The following SEC63 variants were observed in gnomAD, a reference collection of about 807,000 sequenced individuals.
The protein encoded by SEC63 is SEC63 protein translocation regulator.
Under a neutral mutation model 116.2 loss-of-function variants are expected in SEC63, and 56 were observed. The ratio of observed to expected loss-of-function variants is 0.48; its 90% CI spans 0.39 to 0.60. The LOEUF (loss-of-function observed/expected upper bound fraction) is 0.60, where lower values mean the gene tolerates loss of function less well. Among genes scored for constraint, SEC63 ranks in the 20% least tolerant of loss-of-function variants. The pLI is 0.00. For missense variants in SEC63, 668 were observed against 900.0 expected (o/e 0.74, Z 3.30); for synonymous variants, 273 against 294.6 (o/e 0.93, Z 0.75).
chr6:107,884,673 A>C (rs1489608489), intron 16 of SEC63, among the ~76,000 whole-genome samples: 1 of 152,198 alleles, frequency 6.6e-6, no homozygotes, highest in Non-Finnish European at 1.5e-5. Context: ...AAAAAAGGGA[A>C]TACTTCCTAG....
At chr6:107,904,261 T>G (rs1316509681) in intron 11 of SEC63, among the ~76,000 whole-genome samples, 9 of 149,870 alleles carry the variant, frequency 6.0e-5, no homozygotes, top group Non-Finnish European at 1.2e-4. Flanking sequence ...AATACAAAAA[T>G]TAGCCAGGTG....
intron 18 of SEC63, 191 bp from the exon 19 acceptor site, chr6:107,876,853 T>C (rs1786287028): frequency 1.8e-6 from 1 of 554,366 alleles, no homozygotes; most frequent in Non-Finnish European, 3.2e-6. Flanking sequence ...ATCCATTGCC[T>C]AAAAGCATTT....
At chr6:107,873,407 T>C (rs1786180024) in intron 19 of SEC63, among the ~76,000 whole-genome samples, 1 of 152,180 alleles carries the variant, frequency 6.6e-6, no homozygotes, top group African/African-American at 2.4e-5. Context: ...TCTTAAAAAG[T>C]TTCTATTCCA....
chr6:107,929,347 G>A (rs1583763879), intron 2 of SEC63, 68 bp downstream of exon 2: 7 of 808,134 alleles, frequency 8.7e-6, no homozygotes, highest in East Asian at 4.9e-5. Context: ...ATCATTACAC[G>A]TATATGTTGT....
chr6:107,946,118 G>A (rs768007720), intron 1 of SEC63, among the ~76,000 whole-genome samples: 7 of 151,762 alleles, frequency 4.6e-5, no homozygotes, highest in Non-Finnish European at 8.8e-5. Context: ...TGTATTTTTA[G>A]TAAAGACGGG....
chr6:107,874,069 T>C (rs1252327535), intron 19 of SEC63, among the ~76,000 whole-genome samples: 2 of 152,086 alleles, frequency 1.3e-5, no homozygotes, highest in African/African-American at 4.8e-5. Flanking sequence ...AAAATACCTT[T>C]ACAATAGAGA....
At chr6:107,914,324 C>A (rs2114463486) in intron 4 of SEC63, among the ~76,000 whole-genome samples, 1 of 152,208 alleles carries the variant, frequency 6.6e-6, no homozygotes, top group South Asian at 2.1e-4. Context: ...GGTAAAAGAT[C>A]TTCCATATGG....
At chr6:107,932,520 A>C (rs1329125047) in intron 1 of SEC63, among the ~76,000 whole-genome samples, 1 of 152,174 alleles carries the variant, frequency 6.6e-6, no homozygotes, top group African/African-American at 2.4e-5. Context: ...GGTAGCAGAA[A>C]AGGAGACTGA....
intron 14 of SEC63, among the ~76,000 whole-genome samples, chr6:107,897,430 AG>A (rs1786881705): frequency 1.3e-5 from 2 of 152,238 alleles, no homozygotes; most frequent in African/African-American, 4.8e-5. Context: ...TATGTTTTAT[AG>A]AGAATTAAAC....
intron 16 of SEC63, among the ~76,000 whole-genome samples, chr6:107,884,081 C>T (rs537092400): frequency 7.0e-6 from 1 of 141,938 alleles, no homozygotes; most frequent in Non-Finnish European, 1.5e-5. Context: ...GAAACCCCGT[C>T]CCTACTAAAA....
chr6:107,930,667 G>A (rs1200210141), intron 1 of SEC63, among the ~76,000 whole-genome samples: 1 of 151,840 alleles, frequency 6.6e-6, no homozygotes, highest in Admixed American at 6.6e-5. Context: ...ATTATTTTGT[G>A]TTAAGCTGGA....
intron 2 of SEC63, among the ~76,000 whole-genome samples, chr6:107,925,517 A>C (rs1421390307): frequency 6.6e-6 from 1 of 152,234 alleles, no homozygotes; most frequent in Non-Finnish European, 1.5e-5. Flanking sequence ...GGATGTTCAT[A>C]ATCGGTTAAA....
chr6:107,868,454 C>T lies in SEC63; in HGVS notation c.*3250G>A, dbSNP rs1389191640. 6.6e-6 allele frequency: 1 copy of T among 152,164 alleles called. No homozygotes were observed. Among genetic ancestry groups the T allele is most frequent in the Non-Finnish European group, 1.5e-5 (1 of 68,108 alleles). The allele number at this position is 152,164 out of a possible 1,614,324, so 9.4% of individuals were successfully genotyped here. A position where few individuals can be genotyped will look rare whatever the true frequency, so the allele number is the denominator to read the frequency against. Reference sequence around the variant, plus strand: ...ATTAGCTGGGTGTGGTGGCATGCACCTGCAGTCCCAGCTACTCAGGAGGCT... The same window carrying T: ...ATTAGCTGGGTGTGGTGGCATGCACTTGCAGTCCCAGCTACTCAGGAGGCT... On this transcript the variant is annotated 3_prime_UTR_variant, in exon 21 of 21. Coordinates refer to ENST00000369002, the MANE Select transcript of SEC63 (RefSeq NM_007214.5).
At chr6:107,912,671 A>T (rs779904055) in intron 6 of SEC63, 45 bp downstream of exon 6, 1 of 1,244,448 alleles carries the variant, frequency 8.0e-7, no homozygotes, top group Admixed American at 1.7e-5. Flanking sequence ...CATAACAAAA[A>T]TTTTGTCTAA....
At chr6:107,879,419 T>G (rs1786358125) in intron 18 of SEC63, among the ~76,000 whole-genome samples, 1 of 152,076 alleles carries the variant, frequency 6.6e-6, no homozygotes, top group Non-Finnish European at 1.5e-5. Flanking sequence ...CTCCGCCTCC[T>G]GGGTTCAAGC....
At chr6:107,947,354 A>C (rs1430936320) in intron 1 of SEC63, among the ~76,000 whole-genome samples, 1 of 151,896 alleles carries the variant, frequency 6.6e-6, no homozygotes, top group Non-Finnish European at 1.5e-5. Context: ...AGTTATTGTC[A>C]AAAAAAAGAA....
chr6:107,935,831 A>C (rs916118700), intron 1 of SEC63, among the ~76,000 whole-genome samples: 1 of 152,214 alleles, frequency 6.6e-6, no homozygotes, highest in Admixed American at 6.5e-5. Flanking sequence ...AAACACATCA[A>C]TTAAATGTTA....
chr6:107,877,433 GTT>G (rs778246846), intron 18 of SEC63: 1 of 151,912 alleles, frequency 6.6e-6, no homozygotes, highest in Non-Finnish European at 1.5e-5. Context: ...GAAAACGTGG[GTT>G]TTTTTGGTTT....
At chr6:107,921,963 A>G (rs1386517104) in intron 3 of SEC63, 54 bp from the exon 4 acceptor site, 1 of 1,014,986 alleles carries the variant, frequency 9.9e-7, no homozygotes, top group African/African-American at 1.6e-5. Context: ...AATAAGCACA[A>G]TTCTGTAAAG....
Sources: gnomAD v4.1 joint callset for allele counts (sites outside exome capture counted in the v4.1 genomes callset) on GRCh38, gnomAD v4.1.1 for gene constraint, MANE v1.5 for transcripts, NCBI Gene and HGNC (gene_info 2026-07-23, HGNC 2026-07-21) for gene names.